The following DLGAP2 variants were observed in gnomAD, a reference collection of about 807,000 sequenced individuals.
The protein encoded by DLGAP2 is DLG associated protein 2.
DLGAP2 carries 26 observed loss-of-function variants against 100.3 expected under a neutral mutation model. The observed-to-expected ratio is 0.26, with a 90% CI of 0.19 to 0.36. DLGAP2 has a LOEUF of 0.36. Ranked by LOEUF, DLGAP2 falls within the 10% of genes least tolerant of loss-of-function variation. The pLI, the probability that DLGAP2 is intolerant of heterozygous loss-of-function variation, is 1.00. For missense variants in DLGAP2, 1,858 were observed against 1,453.2 expected (o/e 1.28, Z -4.53); for synonymous variants, 886 against 630.1 (o/e 1.41, Z -6.08).
chr8:1,193,321 C>G (rs1198120762), intron 2 of DLGAP2, among the ~76,000 whole-genome samples: 1 of 152,214 alleles, frequency 6.6e-6, no homozygotes, highest in Non-Finnish European at 1.5e-5. Context: ...TCTCCACATC[C>G]TCTCCAGCAC....
chr8:1,551,827 C>T (rs1801777518), intron 5 of DLGAP2, among the ~76,000 whole-genome samples: 1 of 152,198 alleles, frequency 6.6e-6, no homozygotes, highest in Non-Finnish European at 1.5e-5. Flanking sequence ...AACATAACCA[C>T]CTGCATTATA....
intron 3 of DLGAP2, among the ~76,000 whole-genome samples, chr8:1,468,981 C>G (rs1342545763): frequency 1.3e-5 from 2 of 152,214 alleles, no homozygotes; most frequent in Non-Finnish European, 2.9e-5. Flanking sequence ...ACGACCTCAT[C>G]TGAACTTGGG....
chr8:1,134,852 T>C (rs1796370919), intron 2 of DLGAP2, among the ~76,000 whole-genome samples: 1 of 152,088 alleles, frequency 6.6e-6, no homozygotes, highest in South Asian at 2.1e-4. Flanking sequence ...CTCACTATCA[T>C]GGGAACAGTG....
rs879877404 is a variant in DLGAP2, at chr8:971,024, C to T, written c.73+63058C>T. On this transcript the variant is annotated intron_variant, in intron 2 of 14. Transcript: ENST00000637795. ...GAGTCTGCCCATCAGTAGTGTGGCT[C>T]TCCTGTTCAGATCAGGATCTTAAAT... Among the ~76,000 whole-genome samples, 3 of 152,156 alleles carry T rather than the reference C, an allele frequency of 2.0e-5. No individual in the cohort carries two copies. The East Asian group carries it at 5.8e-4, about 29-fold the overall frequency.
intron 3 of DLGAP2, among the ~76,000 whole-genome samples, chr8:1,366,585 C>G (rs902025409): frequency 2.6e-5 from 4 of 152,064 alleles, no homozygotes; most frequent in African/African-American, 4.8e-5. Context: ...CAGAGGCACC[C>G]CGGCAGAGCA....
chr8:1,328,498 TTTTGTTTG>T (rs536738376), intron 3 of DLGAP2, among the ~76,000 whole-genome samples: 2 of 151,872 alleles, frequency 1.3e-5, no homozygotes, highest in South Asian at 4.2e-4. Context: ...TTTTTTGTTT[TTTTGTTTG>T]TTTGTTTGTT....
Position 871,831 on chromosome 8 carries a change from AAAG to A in DLGAP2, c.19-36080_19-36078del, listed in dbSNP as rs1797604560. On this transcript the variant is annotated intron_variant, in intron 1 of 14. Transcript: ENST00000637795. ...GTTAAGGATGTGGCGTCTCACAGAGAAAGGTGGGCCCACCTACTTGTTGGCATG... is the reference window on the plus strand; with the variant it reads ...GTTAAGGATGTGGCGTCTCACAGAGAGTGGGCCCACCTACTTGTTGGCATG... Among the ~76,000 whole-genome samples the A allele has an allele frequency of 2.2e-4, 33 of 152,306 alleles. No individual in the cohort carries two copies. In the South Asian group the frequency reaches 6.8e-3, roughly 32 times the overall value.
intron 3 of DLGAP2, among the ~76,000 whole-genome samples, chr8:1,326,525 T>G (rs1236954444): frequency 6.6e-6 from 1 of 152,026 alleles, no homozygotes; most frequent in East Asian, 1.9e-4. Flanking sequence ...GCACTCGGTC[T>G]CGGTCCGGTC....
chr8:931,433 C>T (rs904255061), intron 2 of DLGAP2, among the ~76,000 whole-genome samples: 4 of 152,312 alleles, frequency 2.6e-5, no homozygotes, highest in Non-Finnish European at 5.9e-5. Flanking sequence ...TAGAAAAAGC[C>T]GCCTGTGATT....
chr8:1,567,570 T>A (rs1333819083), intron 6 of DLGAP2, among the ~76,000 whole-genome samples: 1 of 152,146 alleles, frequency 6.6e-6, no homozygotes, highest in Non-Finnish European at 1.5e-5. Flanking sequence ...TTCCACTCAT[T>A]CACCATCACT....
intron 3 of DLGAP2, among the ~76,000 whole-genome samples, chr8:1,330,540 C>G (rs534240259): frequency 1.5e-5 from 2 of 135,328 alleles, no homozygotes; most frequent in Non-Finnish European, 3.1e-5. Context: ...GGACTGAGTT[C>G]TGGGTGGGAG....
chr8:1,099,449 G>T (rs1422682659), intron 2 of DLGAP2, among the ~76,000 whole-genome samples: 2 of 152,194 alleles, frequency 1.3e-5, no homozygotes, highest in Non-Finnish European at 2.9e-5. Context: ...GGCCGTACTG[G>T]GGCTACGTTG....
intron 2 of DLGAP2, among the ~76,000 whole-genome samples, chr8:1,004,758 C>G (rs1801057718): frequency 6.6e-6 from 1 of 152,216 alleles, no homozygotes; most frequent in Non-Finnish European, 1.5e-5. Flanking sequence ...TAGGTCGAGC[C>G]CTGTCTTCAC....
intron 1 of DLGAP2, among the ~76,000 whole-genome samples, chr8:890,636 A>G (rs975551114): frequency 6.6e-6 from 1 of 151,692 alleles, no homozygotes; most frequent in Non-Finnish European, 1.5e-5. Flanking sequence ...GGAGCCTCAC[A>G]GTGGGGACTT....
At chr8:1,503,287 C>T (rs536537307) in intron 4 of DLGAP2, among the ~76,000 whole-genome samples, 37 of 151,596 alleles carry the variant, frequency 2.4e-4, no homozygotes, top group African/African-American at 9.0e-4. Flanking sequence ...CACTCAGTCC[C>T]TTTCCCCTCC....
chr8:1,257,524 C>G (rs1320682405), intron 2 of DLGAP2, among the ~76,000 whole-genome samples: 1 of 56,670 alleles, frequency 1.8e-5, no homozygotes, highest in African/African-American at 4.2e-5. Context: ...TCTGTGCTCG[C>G]TCCCCAGATT....
chr8:1,561,010 G>A (rs1055947173), intron 5 of DLGAP2, among the ~76,000 whole-genome samples: 2 of 152,172 alleles, frequency 1.3e-5, no homozygotes, highest in Non-Finnish European at 2.9e-5. Flanking sequence ...TAATCCTCAT[G>A]TGTCATGAGA....
intron 8 of DLGAP2, among the ~76,000 whole-genome samples, chr8:1,633,481 C>T (rs572040050): frequency 5.1e-4 from 77 of 152,252 alleles, no homozygotes; most frequent in Non-Finnish European, 8.2e-4. Flanking sequence ...CATGACTCAC[C>T]GCCGCTAAGC....
chr8:1,668,286 G>T (rs1462134318), intron 8 of DLGAP2, 43 bp from the exon 9 acceptor site: 23 of 1,439,326 alleles, frequency 1.6e-5, no homozygotes, highest in Non-Finnish European at 2.1e-5. Context: ...CAGGCTGACG[G>T]GGAAGAACAC....
Sources: gnomAD v4.1 joint callset for allele counts (sites outside exome capture counted in the v4.1 genomes callset) on GRCh38, gnomAD v4.1.1 for gene constraint, MANE v1.5 for transcripts, NCBI Gene and HGNC (gene_info 2026-07-23, HGNC 2026-07-21) for gene names.